RRP15: variants seen among roughly 807,000 people sequenced by gnomAD.
RRP15 encodes ribosomal RNA processing 15 homolog.
RRP15 carries 18 observed loss-of-function variants against 27.1 expected under a neutral mutation model. That is an observed-to-expected ratio of 0.66 (90% CI 0.46 to 0.98). The LOEUF (loss-of-function observed/expected upper bound fraction) is 0.98, where lower values mean the gene tolerates loss of function less well. Among genes scored for constraint, RRP15 ranks in the 50% least tolerant of loss-of-function variants. The pLI is 0.00. For synonymous variants in RRP15, 107 were observed against 109.4 expected, an observed-to-expected ratio of 0.98 and a Z score of 0.14; for missense variants, 359 against 337.8, an observed-to-expected ratio of 1.06 and a Z score of -0.49.
chr1:218,289,310 G>T (rs2102490031), intron 1 of RRP15, among the ~76,000 whole-genome samples: 1 of 152,314 alleles, frequency 6.6e-6, no homozygotes, highest in East Asian at 1.9e-4. Context: ...GATAAGAAAA[G>T]AAGCTTGGAA....
intron 4 of RRP15, among the ~76,000 whole-genome samples, chr1:218,311,889 C>T (rs1233826049): frequency 2.6e-5 from 4 of 152,176 alleles, no homozygotes; most frequent in African/African-American, 4.8e-5. Flanking sequence ...GAGGTAATCT[C>T]GAATTATTCG....
chr1:218,314,257 T>G (rs1259457617), intron 4 of RRP15, among the ~76,000 whole-genome samples: 3 of 152,212 alleles, frequency 2.0e-5, no homozygotes, highest in Admixed American at 2.0e-4. Context: ...AAATTAAGCT[T>G]TAACTCTTAA....
rs562158097 is a variant in RRP15 at position 218,318,605 on chromosome 1, C to CT, written c.705+10980dup. Among the ~76,000 whole-genome samples, 335 of 152,204 alleles carry CT rather than the reference C, an allele frequency of 2.2e-3. 2 individuals are homozygous for CT. The highest frequency in any genetic ancestry group is 7.7e-3 in the African/African-American group (318 of 41,518). On this transcript the variant is annotated intron_variant, in intron 4 of 4. Transcript: ENST00000366932. ...CGGGCTTGCTGAGATTTAGGTTAAA[C>CT]TTTTTTTGCCATAATTACATCATAT...
intron 1 of RRP15, among the ~76,000 whole-genome samples, chr1:218,289,140 C>T (rs79381864): frequency 0.032 from 4,893 of 152,268 alleles, 247 homozygotes; most frequent in African/African-American, 0.11. Context: ...ACGATGATGT[C>T]TCTTCTGACC....
At chr1:218,326,444 C>T (rs968826677) in intron 4 of RRP15, among the ~76,000 whole-genome samples, 3 of 152,010 alleles carry the variant, frequency 2.0e-5, no homozygotes, top group South Asian at 2.1e-4. Flanking sequence ...TCCTACAAGT[C>T]GTTTTTTAAA....
chr1:218,321,722 A>T (rs1195085767), intron 4 of RRP15, among the ~76,000 whole-genome samples: 1 of 152,148 alleles, frequency 6.6e-6, no homozygotes, highest in Non-Finnish European at 1.5e-5. Flanking sequence ...CAAACAAAAC[A>T]AAAAACCCTT....
rs189014912 is a variant in RRP15 at position 218,328,878 on chromosome 1, G to C, written c.706-2070G>C. Among the ~76,000 whole-genome samples the C allele has an allele frequency of 1.6e-3, 241 of 151,958 alleles. 1 individual carries two copies. Among genetic ancestry groups the C allele is most frequent in the African/African-American group, 5.6e-3 (234 of 41,436 alleles). ...TCGGTAACGTGTTGATGGCATATTGGGTGTACTTGCCTAACATAGAGGCTT... is the reference window on the plus strand; with the variant it reads ...TCGGTAACGTGTTGATGGCATATTGCGTGTACTTGCCTAACATAGAGGCTT... On this transcript the variant is annotated intron_variant, in intron 4 of 4. Coordinates refer to ENST00000366932, the MANE Select transcript of RRP15 (RefSeq NM_016052.4).
intron 1 of RRP15, among the ~76,000 whole-genome samples, chr1:218,292,655 C>T (rs1340262550): frequency 6.6e-6 from 1 of 152,120 alleles, no homozygotes; most frequent in African/African-American, 2.4e-5. Context: ...ATACAGAATC[C>T]ACAAATAACA....
At chr1:218,298,835 A>G (rs1020110559) in intron 1 of RRP15, among the ~76,000 whole-genome samples, 1 of 152,224 alleles carries the variant, frequency 6.6e-6, no homozygotes, top group Non-Finnish European at 1.5e-5. Flanking sequence ...AATAGAGAAC[A>G]CTGCCATGAT....
At chr1:218,320,680 A>C (rs1188664862) in intron 4 of RRP15, among the ~76,000 whole-genome samples, 3 of 152,086 alleles carry the variant, frequency 2.0e-5, no homozygotes, top group African/African-American at 4.8e-5. Context: ...TATAAAATCA[A>C]GTTGTTTTCC....
At chr1:218,299,139 G>A (rs1302610687) in intron 1 of RRP15, among the ~76,000 whole-genome samples, 1 of 152,132 alleles carries the variant, frequency 6.6e-6, no homozygotes, top group Non-Finnish European at 1.5e-5. Flanking sequence ...TATCCTAGAA[G>A]TAAATCCTAT....
intron 1 of RRP15, among the ~76,000 whole-genome samples, chr1:218,291,564 G>A (rs1363079418): frequency 8.4e-6 from 1 of 119,678 alleles, no homozygotes; most frequent in Non-Finnish European, 1.6e-5. Context: ...ATGGAGTCTC[G>A]TTCTGTTGCC....
At chr1:218,289,237 A>G (rs538917667) in intron 1 of RRP15, among the ~76,000 whole-genome samples, 2 of 152,318 alleles carry the variant, frequency 1.3e-5, no homozygotes, top group Admixed American at 1.3e-4. Flanking sequence ...AGCTCTCCCC[A>G]GAAAAGAGGT....
chr1:218,294,208 A>G (rs542445865), intron 1 of RRP15, among the ~76,000 whole-genome samples: 5 of 152,248 alleles, frequency 3.3e-5, no homozygotes, highest in African/African-American at 1.2e-4. Flanking sequence ...TTAAATGTGT[A>G]TGGATTCATT....
At position 218,333,818 on chromosome 1, in the gene RRP15, G is replaced by C. The variant is rs1656410687; in HGVS notation, c.*2727G>C. On this transcript the variant is annotated 3_prime_UTR_variant, in exon 5 of 5. Coordinates refer to ENST00000366932, the MANE Select transcript of RRP15 (RefSeq NM_016052.4). The stretch of plus-strand genomic sequence containing the variant: ...CACCTGTCTTTGAATTTTTTAACGA[G>C]GGGAAAGAAAACTGCAATTCCTGCC... 1 of 152,018 alleles carries C rather than the reference G, an allele frequency of 6.6e-6. No homozygotes were observed. Among genetic ancestry groups the C allele is most frequent in the South Asian group, 2.1e-4 (1 of 4,810 alleles). 9.4% of individuals were successfully genotyped at this position (152,018 alleles called of 1,614,324 possible). A position where few individuals can be genotyped will look rare whatever the true frequency, so the allele number is the denominator to read the frequency against.
intron 4 of RRP15, among the ~76,000 whole-genome samples, chr1:218,328,855 G>A (rs1167475956): frequency 6.6e-6 from 1 of 151,930 alleles, no homozygotes; most frequent in Admixed American, 6.6e-5. Context: ...GTGCTCTTTC[G>A]GTAACGTGTT....
chr1:218,302,773 T>G, intron 2 of RRP15: 2 of 604,694 alleles, frequency 3.3e-6, no homozygotes, highest in Non-Finnish European at 5.2e-6. Flanking sequence ...AAAGGCAAAG[T>G]AATAGAAATG....
At chr1:218,311,428 A>C (rs2102505027) in intron 4 of RRP15, among the ~76,000 whole-genome samples, 1 of 152,250 alleles carries the variant, frequency 6.6e-6, no homozygotes, top group East Asian at 1.9e-4. Flanking sequence ...TACTTTCTTC[A>C]GCTTTGTTAC....
At chr1:218,327,396 C>A (rs921599423) in intron 4 of RRP15, among the ~76,000 whole-genome samples, 8 of 151,226 alleles carry the variant, frequency 5.3e-5, no homozygotes. Flanking sequence ...GCAACCTCCT[C>A]CTCCTAAGTG....
Sources: allele counts gnomAD v4.1 joint callset (sites outside exome capture counted in the v4.1 genomes callset), GRCh38; gene constraint gnomAD v4.1.1; transcripts MANE v1.5; gene names NCBI Gene and HGNC (gene_info 2026-07-23, HGNC 2026-07-21).